Variants in PPP6R3 observed in about 807,000 individuals in gnomAD.
The protein encoded by PPP6R3 is protein phosphatase 6 regulatory subunit 3.
In PPP6R3, 38 loss-of-function variants were observed where a neutral mutation model predicts 110.7. The observed-to-expected ratio is 0.34, with a 90% CI of 0.26 to 0.45. The LOEUF (loss-of-function observed/expected upper bound fraction) is 0.45. Ranked by LOEUF, PPP6R3 falls within the 20% of genes least tolerant of loss-of-function variation. The pLI, the probability that PPP6R3 is intolerant of heterozygous loss-of-function variation, is 1.00. For synonymous variants in PPP6R3, 369 were observed against 373.5 expected (o/e 0.99, Z 0.14); for missense variants, 870 against 1,062.4 (o/e 0.82, Z 2.52).
At chr11:68,533,403 G>A (rs181732036) in intron 2 of PPP6R3, among the ~76,000 whole-genome samples, 2 of 152,032 alleles carry the variant, frequency 1.3e-5, no homozygotes, top group Non-Finnish European at 2.9e-5. Context: ...TTCTAACTCC[G>A]AATAGTGGGG....
chr11:68,480,023 C>T (rs113069080), intron 1 of PPP6R3, among the ~76,000 whole-genome samples: 51 of 151,948 alleles, frequency 3.4e-4, no homozygotes, highest in Middle Eastern at 3.4e-3. Context: ...TGAATTATCG[C>T]GCCTGGCCTG....
chr11:68,529,015 G>A (rs571549632), intron 2 of PPP6R3, among the ~76,000 whole-genome samples: 2 of 152,178 alleles, frequency 1.3e-5, no homozygotes, highest in Admixed American at 6.5e-5. Context: ...CACGTCTGCC[G>A]CTTATGGAAT....
intron 1 of PPP6R3, among the ~76,000 whole-genome samples, chr11:68,517,326 G>T (rs951867470): frequency 6.6e-6 from 1 of 152,260 alleles, no homozygotes; most frequent in Admixed American, 6.5e-5. Flanking sequence ...ATACACAACA[G>T]AGTTGGAGCA....
intron 3 of PPP6R3, among the ~76,000 whole-genome samples, chr11:68,542,400 T>TTTTTTTTTTTTTTTTTC (rs1173863254): frequency 1.6e-5 from 1 of 63,346 alleles, no homozygotes. Flanking sequence ...TTTTTTTTTT[T>TTTTTTTTTTTTTTTTTC]TTTTTTTTTT....
intron 3 of PPP6R3, among the ~76,000 whole-genome samples, chr11:68,538,991 G>C (rs2099291083): frequency 6.6e-6 from 1 of 152,134 alleles, no homozygotes; most frequent in African/African-American, 2.4e-5. Context: ...CTGGTGGCAG[G>C]CACCTGTAAT....
At chr11:68,578,937 A>G (rs921579565) in intron 14 of PPP6R3, among the ~76,000 whole-genome samples, 30 of 152,358 alleles carry the variant, frequency 2.0e-4, no homozygotes, top group African/African-American at 6.5e-4. Context: ...ATTTAGGTAG[A>G]GTGAATTTAG....
intron 9 of PPP6R3, among the ~76,000 whole-genome samples, chr11:68,565,153 G>A (rs755036216): frequency 1.5e-5 from 2 of 129,256 alleles, no homozygotes; most frequent in Non-Finnish European, 3.4e-5. Context: ...TACTGTGCGA[G>A]TTATTGGGAA....
intron 3 of PPP6R3, among the ~76,000 whole-genome samples, chr11:68,544,196 T>C (rs921658960): frequency 2.0e-5 from 3 of 152,210 alleles, no homozygotes; most frequent in Non-Finnish European, 4.4e-5. Flanking sequence ...GCTCAAGTGA[T>C]CCTCTAATCT....
chr11:68,473,944 A>C (rs2098810116), intron 1 of PPP6R3, among the ~76,000 whole-genome samples: 1 of 152,022 alleles, frequency 6.6e-6, no homozygotes, highest in Non-Finnish European at 1.5e-5. Context: ...TAATGTGGTA[A>C]CTTTAACATT....
chr11:68,514,106 C>T (rs1409227485), intron 1 of PPP6R3, among the ~76,000 whole-genome samples: 1 of 152,212 alleles, frequency 6.6e-6, no homozygotes, highest in African/African-American at 2.4e-5. Context: ...CTTTGTCACC[C>T]AGGCTGGAGT....
chr11:68,538,959 A>T (rs1244278262), intron 3 of PPP6R3, among the ~76,000 whole-genome samples: 1 of 152,212 alleles, frequency 6.6e-6, no homozygotes, highest in African/African-American at 2.4e-5. Flanking sequence ...GAGTCTACTA[A>T]AAATACAAAA....
chr11:68,591,848 T>C, intron 18 of PPP6R3, 142 bp downstream of exon 18: 1 of 1,064,232 alleles, frequency 9.4e-7, no homozygotes, highest in South Asian at 1.8e-5. Flanking sequence ...GAAATGCCCT[T>C]GTTGGCGGGA....
chr11:68,569,916 GT>G lies in PPP6R3; in HGVS notation c.1278+24del. On this transcript the variant is annotated intron_variant, in intron 11 of 23. Coordinates refer to ENST00000393800, the MANE Select transcript of PPP6R3 (RefSeq NM_001164161.2). ...AAAACATGTAAGCTTATTTGGTCTC[GT>G]TTTTCTCCCACTCTCTCCTGGTTAT... 6.3e-7 allele frequency: 1 copy of G among 1,590,294 alleles called. No individual in the cohort carries two copies.
chr11:68,493,976 G>A (rs2098999798), intron 1 of PPP6R3, among the ~76,000 whole-genome samples: 1 of 151,436 alleles, frequency 6.6e-6, no homozygotes, highest in Non-Finnish European at 1.5e-5. Context: ...GGTGGCGGGA[G>A]CCTGTAGTCC....
At chr11:68,582,780 TTTC>T (rs568861542) in intron 14 of PPP6R3, among the ~76,000 whole-genome samples, 13 of 152,214 alleles carry the variant, frequency 8.5e-5, no homozygotes, top group African/African-American at 2.4e-4. Context: ...GTAACTCACC[TTTC>T]TTCTTGTCTG....
At chr11:68,576,520 A>G (rs985101744) in intron 14 of PPP6R3, among the ~76,000 whole-genome samples, 1 of 152,224 alleles carries the variant, frequency 6.6e-6, no homozygotes, top group African/African-American at 2.4e-5. Context: ...CCCAGCTTTA[A>G]AATTTTTTTA....
At chr11:68,474,579 A>G (rs1282823481) in intron 1 of PPP6R3, among the ~76,000 whole-genome samples, 2 of 152,204 alleles carry the variant, frequency 1.3e-5, no homozygotes, top group Non-Finnish European at 2.9e-5. Context: ...TTCTAGTCCA[A>G]TAAAACAAAT....
At chr11:68,534,259 T>C (rs2099257684) in intron 2 of PPP6R3, among the ~76,000 whole-genome samples, 1 of 152,192 alleles carries the variant, frequency 6.6e-6, no homozygotes, top group African/African-American at 2.4e-5. Context: ...AATGGGACTT[T>C]TATTTCCTGT....
rs189123852 is a variant in PPP6R3 at position 68,529,471 on chromosome 11, C to G, written c.-6-8188C>G. ...TGACCTCATGATCCACCCACCTCAG[C>G]TGCCCAAAGTGCTGGGATTACAGGT... is the stretch of plus-strand genomic sequence containing the variant. On this transcript the variant is annotated intron_variant, in intron 2 of 23. Transcript: ENST00000393800. 1.6e-3 allele frequency among the ~76,000 whole-genome samples: 240 copies of G among 152,320 alleles called. 1 individual carries two copies. The highest frequency in any genetic ancestry group is 1.8e-3 in the Admixed American group (27 of 15,304).
Sources: allele counts gnomAD v4.1 joint callset (sites outside exome capture counted in the v4.1 genomes callset), GRCh38; gene constraint gnomAD v4.1.1; transcripts MANE v1.5; gene names NCBI Gene and HGNC (gene_info 2026-07-23, HGNC 2026-07-21).